HTR6: variants seen among roughly 807,000 people sequenced by gnomAD.
The protein encoded by HTR6 is 5-hydroxytryptamine (serotonin) receptor 6, G protein-coupled.
A neutral mutation model predicts 17.4 loss-of-function variants in HTR6; 15 were observed. The ratio of observed to expected loss-of-function variants is 0.86; its 90% CI spans 0.58 to 1.33. The LOEUF is 1.33. HTR6 is among the 40% of genes most tolerant of loss of function. The pLI is 0.00. For synonymous variants in HTR6, 326 were observed against 295.5 expected, an observed-to-expected ratio of 1.10 and a Z score of -1.06; for missense variants, 578 against 616.0, an observed-to-expected ratio of 0.94 and a Z score of 0.65.
intron 1 of HTR6, among the ~76,000 whole-genome samples, chr1:19,668,073 TG>T (rs2095083749): frequency 1.3e-5 from 2 of 152,084 alleles, no homozygotes; most frequent in Non-Finnish European, 2.9e-5. Flanking sequence ...TCACCTGGGG[TG>T]GGGGCAGGGC....
intron 1 of HTR6, among the ~76,000 whole-genome samples, chr1:19,673,860 CTTT>C (rs549470101): frequency 0.46 from 59,602 of 128,260 alleles, 15,212 homozygotes; most frequent in Non-Finnish European, 0.62. Flanking sequence ...CCTTCTAGGT[CTTT>C]TTTTTTTTTT....
intron 1 of HTR6, among the ~76,000 whole-genome samples, chr1:19,669,239 G>A (rs909470624): frequency 6.6e-6 from 1 of 152,080 alleles, no homozygotes; most frequent in Admixed American, 6.6e-5. Flanking sequence ...CATGAATCTC[G>A]CTGGCTGGTA....
At chr1:19,676,447 G>C (rs926873869) in intron 1 of HTR6, among the ~76,000 whole-genome samples, 2 of 152,132 alleles carry the variant, frequency 1.3e-5, no homozygotes, top group African/African-American at 4.8e-5. Flanking sequence ...CTTGATATTT[G>C]TACAACCAGA....
chr1:19,678,886 T>TGGGACCAGGCATGATGCATCCCCTCCCCC (rs754112659), intron 2 of HTR6, 33 bp from the exon 3 acceptor site: 3 of 1,567,914 alleles, frequency 1.9e-6, no homozygotes, highest in Non-Finnish European at 2.6e-6. Flanking sequence ...GTCCCTGCCC[T>TGGGACCAGGCATGATGCATCCCCTCCCCC]GGGACCAGGC....
intron 2 of HTR6, 54 bp downstream of exon 2, chr1:19,678,779 A>G: frequency 6.3e-7 from 1 of 1,576,740 alleles, no homozygotes; most frequent in Non-Finnish European, 8.6e-7. Flanking sequence ...GAGGCCCTGG[A>G]TCCCAGCCCA....
chr1:19,674,887 T>G (rs530603419), intron 1 of HTR6, among the ~76,000 whole-genome samples: 87 of 151,328 alleles, frequency 5.7e-4, no homozygotes, highest in African/African-American at 2.0e-3. Flanking sequence ...GAAGCTGCCC[T>G]CTGACACTGA....
intron 1 of HTR6, among the ~76,000 whole-genome samples, chr1:19,672,668 T>G (rs974131632): frequency 2.6e-5 from 4 of 152,180 alleles, no homozygotes; most frequent in Admixed American, 2.6e-4. Flanking sequence ...GGTCATGACA[T>G]CTATCACACA....
intron 1 of HTR6, among the ~76,000 whole-genome samples, chr1:19,677,215 GGTTT>G (rs749585180): frequency 4.7e-4 from 68 of 145,788 alleles, no homozygotes; most frequent in Non-Finnish European, 8.0e-4. Context: ...TCTGGGGAGA[GGTTT>G]GTGTGTGTGT....
rs754978772 is a variant in HTR6, at chr1:19,665,778, G to T, written c.25G>T (p.Ala9Ser). ...CATGGTCCCAGAGCCGGGCCCAACC[G>T]CCAATAGCACCCCGGCCTGGGGGGC... Reference protein sequence around the residue: MVPEPGPTANSTPAWGAGP... With the variant: MVPEPGPTSNSTPAWGAGP... The change falls in exon 1 of 3, where the codon GCC becomes TCC. Residue 9 changes from alanine (A) to serine (S), a missense_variant. Ala to Ser is a moderately conservative substitution (Grantham distance 99). Transcript: ENST00000289753. The surrounding 1 kb of genome is among the most constrained non-coding windows in gnomAD (Gnocchi z 4.2). 6 of 1,499,322 alleles carry T rather than the reference G, an allele frequency of 4.0e-6. No individual in the cohort carries two copies. In the East Asian group the frequency reaches 1.5e-4, roughly 37 times the overall value. 92.9% of individuals were successfully genotyped at this position (1,499,322 alleles called of 1,614,324 possible).
chr1:19,674,686 G>A (rs181829047), intron 1 of HTR6, among the ~76,000 whole-genome samples: 22 of 152,340 alleles, frequency 1.4e-4, no homozygotes, highest in East Asian at 5.8e-4. Flanking sequence ...GATTATAGGC[G>A]TGAGCCACTG....
Position 19,679,872 on chromosome 1 carries a change from T to C in HTR6, c.*504T>C, listed in dbSNP as rs1216225214. ...CCAGACCTGCTGAGTCAGAACTGCA[T>C]GTTACCAAGATCCCAGGTGAATCAT... On this transcript the variant is annotated 3_prime_UTR_variant, in exon 3 of 3. Coordinates refer to ENST00000289753, the MANE Select transcript of HTR6 (RefSeq NM_000871.3). This position sits in a 1 kb window ranked among gnomAD's most constrained non-coding sequence, Gnocchi z 4.9. Among the ~76,000 whole-genome samples, 1 of 152,228 alleles carries C rather than the reference T, an allele frequency of 6.6e-6. No individual in the cohort carries two copies. Among genetic ancestry groups the C allele is most frequent in the Non-Finnish European group, 1.5e-5 (1 of 68,034 alleles).
Position 19,670,147 on chromosome 1 carries a change from T to G in HTR6, c.714+3680T>G, listed in dbSNP as rs140499729. Reference sequence around the variant, plus strand: ...CCATACTGGCCTCCTTGCTGTTCCTTGAACACACCAAGCCCATTCTGCCTC... The same window carrying G: ...CCATACTGGCCTCCTTGCTGTTCCTGGAACACACCAAGCCCATTCTGCCTC... On this transcript the variant is annotated intron_variant, in intron 1 of 2. Coordinates refer to ENST00000289753, the MANE Select transcript of HTR6 (RefSeq NM_000871.3). Among the ~76,000 whole-genome samples the G allele has an allele frequency of 5.1e-4, 77 of 152,154 alleles. 1 individual carries two copies. Among genetic ancestry groups the G allele is most frequent in the Middle Eastern group, 3.4e-3 (1 of 294 alleles).
In HTR6 at chr1:19,667,407, T is replaced by G. The variant is rs182278298; in HGVS notation, c.714+940T>G. ...TATTGAGATCAGTTTTTTTGCTTTT[T>G]TTTTTGTTTTTGTTTTTGTTTTTTT... is the stretch of plus-strand genomic sequence containing the variant. On this transcript the variant is annotated intron_variant, in intron 1 of 2. Coordinates refer to ENST00000289753, the MANE Select transcript of HTR6 (RefSeq NM_000871.3). 2.2e-3 allele frequency among the ~76,000 whole-genome samples: 329 copies of G among 152,262 alleles called. 1 individual carries two copies. The highest frequency in any genetic ancestry group is 3.4e-3 in the Admixed American group (52 of 15,290).
chr1:19,669,836 ATGTTGGCCAGG>A (rs1306154736), intron 1 of HTR6, among the ~76,000 whole-genome samples: 4 of 152,170 alleles, frequency 2.6e-5, no homozygotes, highest in Non-Finnish European at 4.4e-5. Flanking sequence ...GGGTTTCACC[ATGTTGGCCAGG>A]CTGGTCTCGA....
chr1:19,676,553 G>A, intron 1 of HTR6, among the ~76,000 whole-genome samples: 1 of 152,170 alleles, frequency 6.6e-6, no homozygotes, highest in Non-Finnish European at 1.5e-5. Context: ...TAGAATTCCA[G>A]CTTCTATGAA....
At position 19,678,986 on chromosome 1, in the gene HTR6, C is replaced by T. The variant is rs775112428; in HGVS notation, c.941C>T (p.Thr314Ile). 46 of 1,614,038 alleles carry T rather than the reference C, an allele frequency of 2.8e-5. No individual in the cohort carries two copies. The highest frequency in any genetic ancestry group is 3.6e-5 in the Non-Finnish European group (43 of 1,180,016). ...VLTWLGYCNSTMNPIIYPLFM... is the reference protein window; with the variant it reads ...VLTWLGYCNSIMNPIIYPLFM... ...ACATGGCTGGGTTACTGTAACAGCA[C>T]CATGAACCCCATCATCTACCCACTC... The change falls in exon 3 of 3, where the codon ACC becomes ATC. Residue 314 changes from threonine to isoleucine, a missense_variant. Coordinates refer to ENST00000289753, the MANE Select transcript of HTR6 (RefSeq NM_000871.3).
Position 19,666,186 on chromosome 1 carries a change from G to T in HTR6, c.433G>T (p.Ala145Ser), listed in dbSNP as rs756669049. The change falls in exon 1 of 3, where the codon GCC (alanine) becomes TCC (serine). Residue 145 changes from alanine (A) to serine (S), a missense_variant. Transcript: ENST00000289753. The surrounding 1 kb of genome is among the most constrained non-coding windows in gnomAD (Gnocchi z 4.5). ...GCGCATGACGCCCCTGCGTGCCCTG[G>T]CCCTAGTCCTGGGCGCCTGGAGCCT... ...KLRMTPLRAL[A>S]LVLGAWSLAA... 6.2e-7 allele frequency: 1 copy of T among 1,610,498 alleles called. No homozygotes were observed.
At chr1:19,675,403 G>A (rs4912141) in intron 1 of HTR6, among the ~76,000 whole-genome samples, 84,715 of 151,794 alleles carry the variant, frequency 0.56, 24,451 homozygotes, top group Non-Finnish European at 0.64. Flanking sequence ...TACTGGAACA[G>A]TGTGACCTTG....
intron 1 of HTR6, among the ~76,000 whole-genome samples, chr1:19,669,488 T>C (rs1356552893): frequency 6.6e-6 from 1 of 152,226 alleles, no homozygotes; most frequent in Non-Finnish European, 1.5e-5. Context: ...AAGTGAGGTT[T>C]AAGCTCGGAT....
Sources: allele counts gnomAD v4.1 joint callset (sites outside exome capture counted in the v4.1 genomes callset), GRCh38; gene constraint gnomAD v4.1.1; non-coding constraint Gnocchi (gnomAD v3.1); transcripts MANE v1.5; gene names NCBI Gene and HGNC (gene_info 2026-07-23, HGNC 2026-07-21).